MAP3K7CL: variants seen among roughly 807,000 people sequenced by gnomAD.
The protein encoded by MAP3K7CL is MAP3K7 C-terminal like.
In MAP3K7CL, 16 loss-of-function variants were observed where a neutral mutation model predicts 18.6. The ratio of observed to expected loss-of-function variants is 0.86; its 90% CI spans 0.58 to 1.31. The LOEUF (loss-of-function observed/expected upper bound fraction) is 1.31. Among genes scored for constraint, MAP3K7CL ranks in the 50% most tolerant of loss-of-function variants. The pLI is 0.00. For missense variants in MAP3K7CL, 163 were observed against 174.4 expected, an observed-to-expected ratio of 0.93 and a Z score of 0.37; for synonymous variants, 65 against 66.8, an observed-to-expected ratio of 0.97 and a Z score of 0.13.
intron 4 of MAP3K7CL, among the ~76,000 whole-genome samples, chr21:29,171,183 A>C (rs1251588310): frequency 6.6e-6 from 1 of 152,142 alleles, no homozygotes; most frequent in Non-Finnish European, 1.5e-5. Flanking sequence ...TTAAAACATA[A>C]ATTACTGTAT....
chr21:29,122,136 T>G (rs1296793644), intron 4 of MAP3K7CL: 1 of 152,218 alleles, frequency 6.6e-6, no homozygotes, highest in African/African-American at 2.4e-5. Context: ...TCCTTGACCC[T>G]TTGCAGGATT....
At chr21:29,078,920 C>G (rs935660558) in intron 1 of MAP3K7CL, among the ~76,000 whole-genome samples, 2 of 152,180 alleles carry the variant, frequency 1.3e-5, no homozygotes, top group Non-Finnish European at 2.9e-5. Context: ...TGCAAGGACA[C>G]TTTTTTAGAA....
Position 29,130,861 on chromosome 21 carries a change from A to G in MAP3K7CL, c.-102A>G. 1 of 985,562 alleles carries G rather than the reference A, an allele frequency of 1.0e-6. No homozygotes were observed. 61.1% of individuals were successfully genotyped at this position (985,562 alleles called of 1,614,324 possible). On this transcript the variant is annotated 5_prime_UTR_variant, in exon 1 of 5. Transcript: ENST00000399928. The stretch of plus-strand genomic sequence containing the variant: ...CACTGAGTCTCTACTCCACAAAGGC[A>G]ACGACTGGCCAAGGCAGTGGCTGGC...
At chr21:29,085,479 G>A (rs564161652), upstream of MAP3K7CL, among the ~76,000 whole-genome samples, 129 of 150,448 alleles carry the variant, frequency 8.6e-4, 1 homozygote, top group Non-Finnish European at 1.1e-3. Flanking sequence ...CCCGGGAGGC[G>A]GAGCTTGCAG....
chr21:29,086,079 CTATT>C (rs975655778), intron 1 of MAP3K7CL, among the ~76,000 whole-genome samples: 2 of 152,200 alleles, frequency 1.3e-5, no homozygotes, highest in Non-Finnish European at 2.9e-5. Flanking sequence ...GGTCGGCAGA[CTATT>C]TGTTAAGGTG....
At chr21:29,163,074 G>A (rs1026697996) in intron 4 of MAP3K7CL, among the ~76,000 whole-genome samples, 10 of 152,314 alleles carry the variant, frequency 6.6e-5, no homozygotes, top group South Asian at 6.2e-4. Context: ...TCACGCCACT[G>A]CATTCCAGCC....
At chr21:29,136,989 T>A (rs1243220065) in intron 2 of MAP3K7CL, among the ~76,000 whole-genome samples, 1 of 152,270 alleles carries the variant, frequency 6.6e-6, no homozygotes, top group African/African-American at 2.4e-5. Context: ...TCATTCCACC[T>A]TGCTGAAATT....
At chr21:29,132,459 C>G (rs2086796756) in intron 1 of MAP3K7CL, among the ~76,000 whole-genome samples, 1 of 152,104 alleles carries the variant, frequency 6.6e-6, no homozygotes, top group Admixed American at 6.5e-5. Flanking sequence ...ATATTTAAAG[C>G]ATATGATATT....
intron 3 of MAP3K7CL, among the ~76,000 whole-genome samples, chr21:29,155,171 C>G (rs1210847895): frequency 6.6e-6 from 1 of 152,116 alleles, no homozygotes; most frequent in East Asian, 1.9e-4. Flanking sequence ...TGTTTTTCCT[C>G]TCAGTTTTAA....
At chr21:29,095,422 C>T (rs972767612) in intron 4 of MAP3K7CL, among the ~76,000 whole-genome samples, 1 of 152,158 alleles carries the variant, frequency 6.6e-6, no homozygotes, top group African/African-American at 2.4e-5. Context: ...TCACCTAGAG[C>T]TGTTCCAGGG....
At chr21:29,146,266 AGTGT>A (rs1021474234) in intron 2 of MAP3K7CL, among the ~76,000 whole-genome samples, 1 of 152,184 alleles carries the variant, frequency 6.6e-6, no homozygotes, top group Non-Finnish European at 1.5e-5. Flanking sequence ...GCACAAGTAC[AGTGT>A]GTTCCCATTT....
intron 4 of MAP3K7CL, among the ~76,000 whole-genome samples, chr21:29,123,533 AG>A (rs1185925820): frequency 2.6e-5 from 4 of 152,224 alleles, no homozygotes; most frequent in Admixed American, 2.0e-4. Context: ...GGAACTCTAT[AG>A]TTTCTTTAAC....
intron 4 of MAP3K7CL, among the ~76,000 whole-genome samples, chr21:29,161,493 A>G (rs1296241274): frequency 6.6e-6 from 1 of 152,128 alleles, no homozygotes; most frequent in Non-Finnish European, 1.5e-5. Context: ...ATTATATCTT[A>G]TATTTATAAA....
In MAP3K7CL at chr21:29,124,415, A is replaced by G. The variant is rs73192188; in HGVS notation, c.371-24774A>G. ...CACATTTAATTAACTTTAAATGGTA[A>G]ACTCAAATTGTATAAAACCATTTAA... is the stretch of plus-strand genomic sequence containing the variant. On this transcript the variant is annotated intron_variant, in intron 4 of 6. Transcript: ENST00000286791. 0.013 allele frequency among the ~76,000 whole-genome samples: 2,008 copies of G among 152,194 alleles called. 89 individuals carry two copies. In the East Asian group the frequency reaches 0.16, roughly 12 times the overall value.
At chr21:29,086,365 G>C (rs1555870201) in intron 1 of MAP3K7CL, among the ~76,000 whole-genome samples, 1 of 152,154 alleles carries the variant, frequency 6.6e-6, no homozygotes, top group Non-Finnish European at 1.5e-5. Context: ...ACTTCTCGAG[G>C]TTCATGGCCC....
intron 2 of MAP3K7CL, among the ~76,000 whole-genome samples, chr21:29,138,856 G>A (rs781064923): frequency 2.6e-5 from 4 of 152,068 alleles, no homozygotes; most frequent in Non-Finnish European, 5.9e-5. Flanking sequence ...GTGCATGTCT[G>A]CAGTCCCAAT....
rs540516726 is a variant in MAP3K7CL, at chr21:29,136,669, C to T, written c.70+3255C>T. The stretch of plus-strand genomic sequence containing the variant: ...CTGAGTAGCTGGGACTGCAGGCACC[C>T]GCCACCAGGCCTGGCTAATTTTTGT... On this transcript the variant is annotated intron_variant, in intron 2 of 4. Coordinates refer to ENST00000399928, the MANE Select transcript of MAP3K7CL (RefSeq NM_001286620.2). Among the ~76,000 whole-genome samples, 193 of 152,068 alleles carry T rather than the reference C, an allele frequency of 1.3e-3. 1 individual carries two copies. The highest frequency in any genetic ancestry group is 2.9e-3 in the Admixed American group (45 of 15,278).
intron 4 of MAP3K7CL, among the ~76,000 whole-genome samples, chr21:29,116,162 G>T (rs7277890): frequency 6.7e-4 from 102 of 152,138 alleles, no homozygotes; most frequent in African/African-American, 2.4e-3. Flanking sequence ...GTTTTTATTC[G>T]TTATTTCTAT....
intron 4 of MAP3K7CL, chr21:29,109,690 C>T (rs149209740): frequency 1.7e-5 from 17 of 987,146 alleles, no homozygotes; most frequent in East Asian, 1.1e-4. Flanking sequence ...TGCATGATCT[C>T]GGCTCACTGC....
Sources: gnomAD v4.1 joint callset for allele counts (sites outside exome capture counted in the v4.1 genomes callset) on GRCh38, gnomAD v4.1.1 for gene constraint, MANE v1.5 for transcripts, NCBI Gene and HGNC (gene_info 2026-07-23, HGNC 2026-07-21) for gene names.